The following WLS variants were observed in gnomAD, a reference collection of about 807,000 sequenced individuals.
The protein encoded by WLS is protein wntless homolog.
WLS carries 23 observed loss-of-function variants against 62.8 expected under a neutral mutation model. That is an observed-to-expected ratio of 0.37 (90% CI 0.26 to 0.52). The LOEUF (loss-of-function observed/expected upper bound fraction) is 0.52, where lower values mean the gene tolerates loss of function less well. Among genes scored for constraint, WLS ranks in the 20% least tolerant of loss-of-function variants. The pLI is 0.92. For synonymous variants in WLS, 246 were observed against 244.1 expected (o/e 1.01, Z -0.07); for missense variants, 615 against 697.3 (o/e 0.88, Z 1.33).
chr1:68,211,445 T>G (rs554567091), intron 1 of WLS, among the ~76,000 whole-genome samples: 1 of 152,278 alleles, frequency 6.6e-6, no homozygotes, highest in South Asian at 2.1e-4. Context: ...AAGAGAATTT[T>G]CCCTATCGCC....
chr1:68,112,445 C>G (rs905529129), intron 11 of WLS, among the ~76,000 whole-genome samples: 2 of 152,200 alleles, frequency 1.3e-5, no homozygotes, highest in East Asian at 3.9e-4. Context: ...CCAGCCTCCA[C>G]GGCCTGACAT....
At position 68,194,114 on chromosome 1, in the gene WLS, T is replaced by A; in HGVS notation, c.220A>T (p.Ile74Phe). Residue 74 changes from isoleucine (I) to phenylalanine (F), a missense_variant, in exon 2 of 12, where the codon ATC (isoleucine) becomes TTC (phenylalanine). Transcript: ENST00000262348. Reference sequence around the variant, plus strand: ...GGAATTGCCTCTTCAATGTCTCGGATCTTGTCACAATGATTGGGTCCCCAA... The same window carrying A: ...GGAATTGCCTCTTCAATGTCTCGGAACTTGTCACAATGATTGGGTCCCCAA... ...VPWGPNHCDK[I>F]RDIEEAIPRE... The A allele has an allele frequency of 6.2e-7, 1 of 1,614,180 alleles. No individual in the cohort carries two copies. The highest frequency in any genetic ancestry group is 1.3e-5 in the African/African-American group (1 of 75,052).
intron 11 of WLS, among the ~76,000 whole-genome samples, chr1:68,136,086 C>G (rs1232714732): frequency 2.6e-5 from 4 of 152,264 alleles, no homozygotes; most frequent in Non-Finnish European, 5.9e-5. Context: ...CCAGCATGCT[C>G]TCGCATGGAC....
At chr1:68,231,691 T>A (rs995905499) in intron 1 of WLS, 2 of 456,322 alleles carry the variant, frequency 4.4e-6, no homozygotes, top group Non-Finnish European at 8.8e-6. Flanking sequence ...GACGACCAAA[T>A]GCATTTACAA....
chr1:68,153,842 A>T (rs1157947359), intron 4 of WLS, among the ~76,000 whole-genome samples, 189 bp from the exon 5 acceptor site: 2 of 152,138 alleles, frequency 1.3e-5, no homozygotes, highest in African/African-American at 4.8e-5. Context: ...ATAGAAATAC[A>T]TATTAAAAGA....
At chr1:68,231,752 C>A in intron 1 of WLS, 1 of 467,172 alleles carries the variant, frequency 2.1e-6, no homozygotes, top group Non-Finnish European at 4.3e-6. Context: ...GCGCCGGGCA[C>A]AGTTCCCCGA....
chr1:68,140,108 A>T (rs2566786), intron 10 of WLS, among the ~76,000 whole-genome samples: 1 of 152,020 alleles, frequency 6.6e-6, no homozygotes. Flanking sequence ...TACATGAAAC[A>T]CATTATTTAG....
intron 2 of WLS, among the ~76,000 whole-genome samples, chr1:68,169,811 A>G (rs1647119547): frequency 6.6e-6 from 1 of 152,230 alleles, no homozygotes; most frequent in South Asian, 2.1e-4. Context: ...CTTAAATGGC[A>G]TAATTGGCTA....
intron 11 of WLS, among the ~76,000 whole-genome samples, chr1:68,106,401 T>C (rs975301914): frequency 1.3e-5 from 2 of 152,132 alleles, no homozygotes; most frequent in Non-Finnish European, 2.9e-5. Context: ...CCAGTGTGTG[T>C]GACCTCTGCA....
chr1:68,114,535 C>T (rs2100338464), intron 11 of WLS, among the ~76,000 whole-genome samples: 1 of 152,294 alleles, frequency 6.6e-6, no homozygotes, highest in Non-Finnish European at 1.5e-5. Flanking sequence ...TGGTATAATC[C>T]TCATTTCTGC....
chr1:68,161,645 G>A lies in WLS; in HGVS notation c.380-2398C>T, dbSNP rs372938202. 7.1e-5 allele frequency: 61 copies of A among 854,630 alleles called. No homozygotes were observed. In the East Asian group the frequency reaches 1.3e-3, roughly 18 times the overall value. 52.9% of individuals were successfully genotyped at this position (854,630 alleles called of 1,614,324 possible). On this transcript the variant is annotated intron_variant, in intron 2 of 11. Coordinates refer to ENST00000262348, the MANE Select transcript of WLS (RefSeq NM_024911.7). ...ACACTGCAGCATCAATGATGCATAA[G>A]TCCAGAATCAGTTACAAAGACCATC...
At chr1:68,173,650 G>T (rs909321387) in intron 2 of WLS, among the ~76,000 whole-genome samples, 3 of 152,166 alleles carry the variant, frequency 2.0e-5, no homozygotes, top group African/African-American at 4.8e-5. Context: ...GAGGGATGGG[G>T]TCGCTCCATG....
intron 2 of WLS, among the ~76,000 whole-genome samples, chr1:68,172,674 T>C (rs1478512046): frequency 6.6e-6 from 1 of 152,112 alleles, no homozygotes; most frequent in Admixed American, 6.6e-5. Flanking sequence ...GAAGACACAA[T>C]CTTCTGGCTC....
Position 68,210,498 on chromosome 1 carries a change from G to A in WLS, c.107-16271C>T, listed in dbSNP as rs1649469376. On this transcript the variant is annotated intron_variant, in intron 1 of 11. Coordinates refer to ENST00000262348, the MANE Select transcript of WLS (RefSeq NM_024911.7). The stretch of plus-strand genomic sequence containing the variant: ...TGATAAGAAAGAACATTTAACCATC[G>A]TAATGTTCCAACTGGATTGAAAAAC... 2.0e-5 allele frequency among the ~76,000 whole-genome samples: 3 copies of A among 152,154 alleles called. 1 individual carries two copies. Among genetic ancestry groups the A allele is most frequent in the South Asian group, 4.2e-4 (2 of 4,814 alleles).
chr1:68,116,820 CATT>C (rs1172317411), intron 11 of WLS, among the ~76,000 whole-genome samples: 2 of 152,114 alleles, frequency 1.3e-5, no homozygotes, highest in African/African-American at 4.8e-5. Flanking sequence ...GCAATGCAGC[CATT>C]GTTTATCTTG....
At chr1:68,134,745 A>C (rs770719981) in intron 11 of WLS, among the ~76,000 whole-genome samples, 9 of 152,244 alleles carry the variant, frequency 5.9e-5, no homozygotes, top group Non-Finnish European at 1.3e-4. Context: ...AATTATTTGC[A>C]AGTTTTCCAT....
At chr1:68,173,575 A>C (rs561939630) in intron 2 of WLS, among the ~76,000 whole-genome samples, 3 of 152,210 alleles carry the variant, frequency 2.0e-5, no homozygotes, top group African/African-American at 7.2e-5. Flanking sequence ...CTTCCAAAAC[A>C]AACAGTGCAG....
rs113197768 is a variant in WLS at position 68,117,958 on chromosome 1, A to C, written c.1511-19205T>G. 1.0e-4 allele frequency among the ~76,000 whole-genome samples: 15 copies of C among 147,490 alleles called. 1 individual carries two copies. Among genetic ancestry groups the C allele is most frequent in the African/African-American group, 3.8e-4 (15 of 39,958 alleles). On this transcript the variant is annotated intron_variant, in intron 11 of 11. Transcript: ENST00000354777. Reference sequence around the variant, plus strand: ...GTCTTCCAGCTGGGAAACAAATTCTATATGAATTGATGAGAAAAAAAAAAC... The same window carrying C: ...GTCTTCCAGCTGGGAAACAAATTCTCTATGAATTGATGAGAAAAAAAAAAC...
At chr1:68,148,515 G>A in intron 7 of WLS, 48 bp downstream of exon 7, 1 of 1,567,450 alleles carries the variant, frequency 6.4e-7, no homozygotes, top group Non-Finnish European at 8.8e-7. Context: ...ACAGGAGTGG[G>A]CGTGGTGATG....
Sources: gnomAD v4.1 joint callset for allele counts (sites outside exome capture counted in the v4.1 genomes callset) on GRCh38, gnomAD v4.1.1 for gene constraint, MANE v1.5 for transcripts, NCBI Gene and HGNC (gene_info 2026-07-23, HGNC 2026-07-21) for gene names.